Variants in BCAS3 observed in about 807,000 individuals in gnomAD.
BCAS3 encodes BCAS4/BCAS3 fusion.
In BCAS3, 53 loss-of-function variants were observed where a neutral mutation model predicts 116.1. The ratio of observed to expected loss-of-function variants is 0.46; its 90% CI spans 0.37 to 0.57. The LOEUF (loss-of-function observed/expected upper bound fraction) is 0.57, where lower values mean the gene tolerates loss of function less well. BCAS3 is among the 20% of genes least tolerant of loss of function. BCAS3 has a pLI of 0.00. For synonymous variants in BCAS3, 391 were observed against 408.2 expected, an observed-to-expected ratio of 0.96 and a Z score of 0.51; for missense variants, 917 against 1,165.4, an observed-to-expected ratio of 0.79 and a Z score of 3.10.
In BCAS3 at chr17:61,180,114, C is replaced by T. The variant is rs1298689826; in HGVS notation, c.2425+95550C>T. Among the ~76,000 whole-genome samples the T allele has an allele frequency of 6.6e-6, 1 of 151,978 alleles. No homozygotes were observed. Among genetic ancestry groups the T allele is most frequent in the East Asian group, 1.9e-4 (1 of 5,176 alleles). On this transcript the variant is annotated intron_variant, in intron 22 of 23. Transcript: ENST00000407086. This position sits in a 1 kb window ranked among gnomAD's most constrained non-coding sequence, Gnocchi z 6.0. ...TCCTGGTATTGAGATATTTTGGAGT[C>T]CGAGACCAGATTGAGTGCACCATTT...
rs2057380554 is a variant in BCAS3 at position 61,344,502 on chromosome 17, C to G, written c.2426-23825C>G. On this transcript the variant is annotated intron_variant, in intron 22 of 23. Transcript: ENST00000407086. This position sits in a 1 kb window ranked among gnomAD's most constrained non-coding sequence, Gnocchi z 4.1. Reference sequence around the variant, plus strand: ...AGGTGGGTCCTAAGTTTTGAGGGTACCATGGAGAGCAAAGTAGATGATATC... The same window carrying G: ...AGGTGGGTCCTAAGTTTTGAGGGTAGCATGGAGAGCAAAGTAGATGATATC... Among the ~76,000 whole-genome samples the G allele has an allele frequency of 6.6e-6, 1 of 152,116 alleles. No homozygotes were observed. The highest frequency in any genetic ancestry group is 6.5e-5 in the Admixed American group (1 of 15,276).
intron 19 of BCAS3, among the ~76,000 whole-genome samples, chr17:61,062,838 T>G (rs1023459416): frequency 1.3e-5 from 2 of 152,158 alleles, no homozygotes; most frequent in African/African-American, 2.4e-5. Context: ...TGATTTTTTT[T>G]AAGATTAGAA....
intron 14 of BCAS3, among the ~76,000 whole-genome samples, chr17:60,963,912 G>T (rs533536286): frequency 6.6e-6 from 1 of 152,316 alleles, no homozygotes; most frequent in African/African-American, 2.4e-5. Context: ...TGAATTTGCT[G>T]ATCAGCTGTA....
intron 22 of BCAS3, among the ~76,000 whole-genome samples, chr17:61,301,810 T>C (rs898188498): frequency 3.3e-5 from 5 of 152,170 alleles, no homozygotes; most frequent in African/African-American, 1.2e-4. Context: ...TTCATAGATC[T>C]CATGGAGGCC....
Position 61,088,898 on chromosome 17 carries a change from G to A in BCAS3, c.2425+4334G>A, listed in dbSNP as rs941915515. On this transcript the variant is annotated intron_variant, in intron 22 of 23. Coordinates refer to ENST00000407086, the MANE Select transcript of BCAS3 (RefSeq NM_017679.5). This position sits in a 1 kb window ranked among gnomAD's most constrained non-coding sequence, Gnocchi z 4.2. ...TGGTGGAAGCAGTGTTTGTGTACAT[G>A]CCTGAGGAAGTGTGGTGGAAGCAGT... Among the ~76,000 whole-genome samples, 1 of 152,128 alleles carries A rather than the reference G, an allele frequency of 6.6e-6. No homozygotes were observed. Among genetic ancestry groups the A allele is most frequent in the Non-Finnish European group, 1.5e-5 (1 of 68,028 alleles).
intron 11 of BCAS3, among the ~76,000 whole-genome samples, chr17:60,909,407 GA>G (rs1306957797): frequency 1.3e-5 from 2 of 152,006 alleles, no homozygotes; most frequent in African/African-American, 2.4e-5. Flanking sequence ...ATTAGGTAAG[GA>G]TTTTTTTTTC....
At chr17:60,786,547 G>GTATATACATA (rs1555715075) in intron 6 of BCAS3, among the ~76,000 whole-genome samples, 70 of 140,756 alleles carry the variant, frequency 5.0e-4, no homozygotes, top group African/African-American at 1.7e-3. Flanking sequence ...CTGCAAATGT[G>GTATATACATA]TATATATATA....
chr17:61,140,823 T>C lies in BCAS3; in HGVS notation c.2425+56259T>C, dbSNP rs149658743. On this transcript the variant is annotated intron_variant, in intron 22 of 23. Transcript: ENST00000407086. The surrounding 1 kb of genome is among the most constrained non-coding windows in gnomAD (Gnocchi z 4.2). ...CTATGACTTTGGGCACATTACAGAT[T>C]GTAATGTAGTGGATTGATGGTACAT... Among the ~76,000 whole-genome samples, 343 of 152,300 alleles carry C rather than the reference T, an allele frequency of 2.3e-3. 1 individual carries two copies. Among genetic ancestry groups the C allele is most frequent in the Non-Finnish European group, 3.9e-3 (267 of 68,032 alleles).
At chr17:61,178,839 G>A (rs1160750889) in intron 22 of BCAS3, among the ~76,000 whole-genome samples, 1 of 152,068 alleles carries the variant, frequency 6.6e-6, no homozygotes, top group African/African-American at 2.4e-5. Context: ...GTCAAAATGT[G>A]GAAAGAACAA....
rs1307517210 is a variant in BCAS3, at chr17:61,365,831, C to G, written c.2426-2496C>G. ...CCCAATTTTCCAGGCTCTGAAACAT[C>G]TCTGTCCATAAGAAAGCTGAGTGTA... On this transcript the variant is annotated intron_variant, in intron 22 of 23. Transcript: ENST00000407086. The surrounding 1 kb of genome is among the most constrained non-coding windows in gnomAD (Gnocchi z 4.6). Among the ~76,000 whole-genome samples, 1 of 152,030 alleles carries G rather than the reference C, an allele frequency of 6.6e-6. No individual in the cohort carries two copies. Among genetic ancestry groups the G allele is most frequent in the Non-Finnish European group, 1.5e-5 (1 of 68,012 alleles).
At chr17:61,092,083 T>G (rs962104552) in intron 22 of BCAS3, among the ~76,000 whole-genome samples, 3 of 152,200 alleles carry the variant, frequency 2.0e-5, no homozygotes, top group Non-Finnish European at 4.4e-5. Context: ...TTTACCTGTA[T>G]TAAACTTCAT....
At chr17:61,015,416 G>C (rs530862441) in intron 15 of BCAS3, among the ~76,000 whole-genome samples, 11 of 152,214 alleles carry the variant, frequency 7.2e-5, no homozygotes, top group Non-Finnish European at 1.2e-4. Flanking sequence ...TCAGTCTTTA[G>C]TAGCTAGGAT....
intron 22 of BCAS3, among the ~76,000 whole-genome samples, chr17:61,175,972 C>CA (rs1340569372): frequency 6.6e-6 from 1 of 151,272 alleles, no homozygotes; most frequent in Non-Finnish European, 1.5e-5. Context: ...CCCAGCTCTA[C>CA]AAAAAATAAC....
intron 4 of BCAS3, among the ~76,000 whole-genome samples, chr17:60,698,121 G>A (rs1465420944): frequency 6.7e-6 from 1 of 148,774 alleles, no homozygotes; most frequent in Non-Finnish European, 1.5e-5. Flanking sequence ...AGAGCTTGCA[G>A]TGAGCTGAGC....
At chr17:61,231,869 C>CAA (rs72247548) in intron 22 of BCAS3, among the ~76,000 whole-genome samples, 9,719 of 100,040 alleles carry the variant, frequency 0.097, 579 homozygotes, top group African/African-American at 0.13. Context: ...GACCCTGTCT[C>CAA]AAAAAAAAAA....
rs559108271 is a variant in BCAS3 at position 60,739,535 on chromosome 17, G to T, written c.322-7663G>T. Among the ~76,000 whole-genome samples, 17 of 152,066 alleles carry T rather than the reference G, an allele frequency of 1.1e-4. No individual in the cohort carries two copies. The East Asian group carries it at 2.7e-3, about 24-fold the overall frequency. ...CTTGGGAGGCTGAGGCAGGAGAATC[G>T]CTTGAATTCGGGAGGCAGAGGTTGC... On this transcript the variant is annotated intron_variant, in intron 5 of 23. Coordinates refer to ENST00000407086, the MANE Select transcript of BCAS3 (RefSeq NM_017679.5).
chr17:60,681,134 G>C (rs1020709644), intron 2 of BCAS3, among the ~76,000 whole-genome samples: 17 of 152,172 alleles, frequency 1.1e-4, no homozygotes, highest in Non-Finnish European at 2.1e-4. Context: ...CGGCCCAGGA[G>C]CTTGAAGCTG....
chr17:61,164,280 A>G (rs1471642669), intron 22 of BCAS3, among the ~76,000 whole-genome samples: 1 of 152,140 alleles, frequency 6.6e-6, no homozygotes, highest in Non-Finnish European at 1.5e-5. Context: ...AACATGTGCT[A>G]TGGTTTCAAT....
chr17:61,005,817 T>A (rs1394973867), intron 15 of BCAS3, among the ~76,000 whole-genome samples: 2 of 151,684 alleles, frequency 1.3e-5, no homozygotes, highest in Non-Finnish European at 2.9e-5. Context: ...ATTATTATAC[T>A]TTAAGTTTTA....
Sources: gnomAD v4.1 joint callset for allele counts (sites outside exome capture counted in the v4.1 genomes callset) on GRCh38, gnomAD v4.1.1 for gene constraint, Gnocchi (gnomAD v3.1) non-coding constraint, MANE v1.5 for transcripts, NCBI Gene and HGNC (gene_info 2026-07-23, HGNC 2026-07-21) for gene names.